EMP3: variants seen among roughly 807,000 people sequenced by gnomAD.
EMP3 encodes epithelial membrane protein 3 (MAM blood group), also known as epithelial membrane protein 3.
A neutral mutation model predicts 21.6 loss-of-function variants in EMP3; 15 were observed. That is an observed-to-expected ratio of 0.69 (90% CI 0.46 to 1.07). The LOEUF is 1.07. EMP3 is among the 50% of genes least tolerant of loss of function. The pLI, the probability that EMP3 is intolerant of heterozygous loss-of-function variation, is 0.00. For missense variants in EMP3, 183 were observed against 206.6 expected (o/e 0.89, Z 0.70); for synonymous variants, 107 against 86.1 (o/e 1.24, Z -1.34).
rs767353427 is a variant in EMP3 at position 48,326,903 on chromosome 19, T to C, written c.59T>C (p.Phe20Ser). 6.2e-7 allele frequency: 1 copy of C among 1,614,160 alleles called. No individual in the cohort carries two copies. Among genetic ancestry groups the C allele is most frequent in the East Asian group, 2.2e-5 (1 of 44,880 alleles). Residue 20 changes from phenylalanine to serine, a missense_variant, in exon 2 of 5, where the codon TTC (phenylalanine) becomes TCC (serine). By Grantham distance (155) the Phe-to-Ser change is radical. Coordinates refer to ENST00000270221, the MANE Select transcript of EMP3 (RefSeq NM_001425.3). ...CACATCCTCATTCTTATACTGCTTT[T>C]CGTGGCCACTTTGGACAAGGTAAGC... ...ALHILILILL[F>S]VATLDKSWWT... is the part of the protein sequence containing the mutation.
At position 48,330,341 on chromosome 19, in the gene EMP3, C is replaced by G; in HGVS notation, c.363C>G (p.His121Gln). 6.2e-7 allele frequency: 1 copy of G among 1,606,040 alleles called. No individual in the cohort carries two copies. The highest frequency in any genetic ancestry group is 1.1e-5 in the South Asian group (1 of 90,372). ...CTGGCGCCTTGATCTATGCCATTCACGCCGAGGAGATCCTGGAGAAGCACC... is the reference window on the plus strand; with the variant it reads ...CTGGCGCCTTGATCTATGCCATTCAGGCCGAGGAGATCCTGGAGAAGCACC... ...VFTGALIYAIHAEEILEKHPR... is the reference protein window; with the variant it reads ...VFTGALIYAIQAEEILEKHPR... The change falls in exon 5 of 5, where the codon CAC becomes CAG. Residue 121 changes from histidine to glutamine, a missense_variant. Physicochemically the swap from His to Gln is conservative, Grantham distance 24. Transcript: ENST00000270221.
chr19:48,327,850 C>A, intron 3 of EMP3: 1 of 512,268 alleles, frequency 2.0e-6, no homozygotes, highest in Non-Finnish European at 3.5e-6. Flanking sequence ...TCTGGTTGCC[C>A]AGGCTGGAGT....
intron 3 of EMP3, among the ~76,000 whole-genome samples, chr19:48,328,577 T>TA (rs1969162343): frequency 6.6e-6 from 1 of 152,050 alleles, no homozygotes; most frequent in Non-Finnish European, 1.5e-5. Context: ...CTTAAGGTTC[T>TA]AAAGGGGTGG....
chr19:48,327,832 A>C (rs966098762), intron 3 of EMP3: 17 of 524,818 alleles, frequency 3.2e-5, no homozygotes, highest in African/African-American at 5.8e-5. Flanking sequence ...TTTGAGACCG[A>C]GTTTTCCTCT....
chr19:48,329,132 G>T lies in EMP3; in HGVS notation c.182-220G>T. The T allele has an allele frequency of 1.8e-6, 1 of 569,544 alleles. No individual in the cohort carries two copies. Among genetic ancestry groups the T allele is most frequent in the Non-Finnish European group, 3.0e-6 (1 of 330,096 alleles). 35.3% of individuals were successfully genotyped at this position (569,544 alleles called of 1,614,324 possible). On this transcript the variant is annotated intron_variant, in intron 3 of 4. Transcript: ENST00000270221. This position sits in a 1 kb window ranked among gnomAD's most constrained non-coding sequence, Gnocchi z 4.5. Reference sequence around the variant, plus strand: ...GCAAGACCTGGTTTCAGAAAAAAAAGAAAAAGGAAATTGGCAAAGCAACTA... The same window carrying T: ...GCAAGACCTGGTTTCAGAAAAAAAATAAAAAGGAAATTGGCAAAGCAACTA...
At chr19:48,327,391 T>G (rs1175917086) in intron 2 of EMP3, 130 bp from the exon 3 acceptor site, 9 of 673,864 alleles carry the variant, frequency 1.3e-5, no homozygotes, top group Admixed American at 4.5e-5. Flanking sequence ...TCATATTAAA[T>G]CCTAACTCTC....
At chr19:48,327,439 C>T in intron 2 of EMP3, 82 bp from the exon 3 acceptor site, 3 of 1,033,884 alleles carry the variant, frequency 2.9e-6, no homozygotes, top group Non-Finnish European at 4.4e-6. Context: ...TGCCCTTTTC[C>T]CAGCCCTTCC....
At chr19:48,327,663 A>T (rs771518677) in intron 3 of EMP3, 40 bp downstream of exon 3, 1 of 1,561,254 alleles carries the variant, frequency 6.4e-7, no homozygotes, top group African/African-American at 1.3e-5. Context: ...TCAAAGGGGA[A>T]GGTAAACCCT....
chr19:48,327,208 T>C (rs554815461), intron 2 of EMP3, among the ~76,000 whole-genome samples: 46 of 151,990 alleles, frequency 3.0e-4, no homozygotes, highest in African/African-American at 1.1e-3. Context: ...AATTTTTTTA[T>C]TTTGGTAGAG....
Position 48,329,613 on chromosome 19 carries a change from C to A in EMP3, c.322+121C>A, listed in dbSNP as rs938349271. 5.2e-5 allele frequency: 68 copies of A among 1,308,704 alleles called. No homozygotes were observed. The highest frequency in any genetic ancestry group is 4.2e-4 in the Admixed American group (17 of 40,528). The allele number at this position is 1,308,704 out of a possible 1,614,324, so 81.1% of individuals were successfully genotyped here. ...CGTAGAAAAAAACAACTTTCAACAC[C>A]CCACGAGCCACAAGAGGTGCCTCCG... On this transcript the variant is annotated intron_variant, in intron 4 of 4. Coordinates refer to ENST00000270221, the MANE Select transcript of EMP3 (RefSeq NM_001425.3). This position sits in a 1 kb window ranked among gnomAD's most constrained non-coding sequence, Gnocchi z 4.5.
chr19:48,328,454 G>C (rs557601154), intron 3 of EMP3, among the ~76,000 whole-genome samples: 5 of 145,764 alleles, frequency 3.4e-5, no homozygotes, highest in African/African-American at 1.3e-4. Flanking sequence ...AATCTCCCAA[G>C]ATTCTGAGAA....
intron 2 of EMP3, 58 bp downstream of exon 2, chr19:48,326,980 C>T: frequency 6.8e-7 from 1 of 1,475,004 alleles, no homozygotes; most frequent in Non-Finnish European, 9.5e-7. Context: ...TGCCACGCCC[C>T]TCCTCTAAAG....
At position 48,329,227 on chromosome 19, in the gene EMP3, C is replaced by G; in HGVS notation, c.182-125C>G. On this transcript the variant is annotated intron_variant, in intron 3 of 4. Coordinates refer to ENST00000270221, the MANE Select transcript of EMP3 (RefSeq NM_001425.3). The surrounding 1 kb of genome is among the most constrained non-coding windows in gnomAD (Gnocchi z 4.5). Reference sequence around the variant, plus strand: ...CAAAATAAGTGATACATCTAAGTATCTAGGCTTGTATGGGCCTAAACGGGA... The same window carrying G: ...CAAAATAAGTGATACATCTAAGTATGTAGGCTTGTATGGGCCTAAACGGGA... The G allele has an allele frequency of 1.7e-6, 2 of 1,180,002 alleles. No individual in the cohort carries two copies. The highest frequency in any genetic ancestry group is 2.4e-6 in the Non-Finnish European group (2 of 837,176). The allele number at this position is 1,180,002 out of a possible 1,614,324, so 73.1% of individuals were successfully genotyped here.
intron 3 of EMP3, among the ~76,000 whole-genome samples, chr19:48,327,964 C>T (rs888946122): frequency 2.0e-5 from 3 of 152,024 alleles, no homozygotes; most frequent in African/African-American, 4.8e-5. Context: ...TGTGCCACCA[C>T]GCCTGGCTAA....
chr19:48,330,362 G>A lies in EMP3; in HGVS notation c.384G>A (p.Lys128=). Residue 128 remains lysine (K), a synonymous_variant, in exon 5 of 5, where the codon AAG becomes AAA. Coordinates refer to ENST00000270221, the MANE Select transcript of EMP3 (RefSeq NM_001425.3). ...TTCACGCCGAGGAGATCCTGGAGAAGCACCCGCGAGGGGGCAGCTTCGGAT... is the reference window on the plus strand; with the variant it reads ...TTCACGCCGAGGAGATCCTGGAGAAACACCCGCGAGGGGGCAGCTTCGGAT... ...YAIHAEEILE[K]HPRGGSFGYC... The A allele has an allele frequency of 6.2e-7, 1 of 1,607,800 alleles. No homozygotes were observed. The highest frequency in any genetic ancestry group is 1.1e-5 in the South Asian group (1 of 90,566).
At chr19:48,327,864 G>A (rs1969150464) in intron 3 of EMP3, 2 of 486,292 alleles carry the variant, frequency 4.1e-6, no homozygotes, top group East Asian at 3.8e-5. Flanking sequence ...CTGGAGTGCA[G>A]TGGCGCAATC....
chr19:48,327,557 C>G lies in EMP3; in HGVS notation c.115C>G (p.Leu39Val), dbSNP rs1424056872. ...TCTCCCTGGGAAAGAGTCCCTGAAT[C>G]TCTGGTACGACTGCACGTGGAACAA... ...WTLPGKESLN[L>V]WYDCTWNNDT... The change falls in exon 3 of 5, where the codon CTC becomes GTC. Residue 39 changes from leucine (L) to valine (V), a missense_variant. By Grantham distance (32) the Leu-to-Val change is conservative. Coordinates refer to ENST00000270221, the MANE Select transcript of EMP3 (RefSeq NM_001425.3). 2 of 1,613,748 alleles carry G rather than the reference C, an allele frequency of 1.2e-6. No individual in the cohort carries two copies. Among genetic ancestry groups the G allele is most frequent in the African/African-American group, 2.7e-5 (2 of 74,892 alleles).
At chr19:48,326,316 A>G (rs1969121808) in intron 1 of EMP3, among the ~76,000 whole-genome samples, 1 of 152,006 alleles carries the variant, frequency 6.6e-6, no homozygotes, top group Non-Finnish European at 1.5e-5. Context: ...GAGAGGAGCC[A>G]CATTGCTAGT....
intron 3 of EMP3, 158 bp downstream of exon 3, chr19:48,327,781 T>C: frequency 1.6e-6 from 1 of 623,996 alleles, no homozygotes; most frequent in Non-Finnish European, 2.9e-6. Flanking sequence ...ATGTCCCGCC[T>C]GTCTGGATGT....
Sources: gnomAD v4.1 joint callset for allele counts (sites outside exome capture counted in the v4.1 genomes callset) on GRCh38, gnomAD v4.1.1 for gene constraint, Gnocchi (gnomAD v3.1) non-coding constraint, MANE v1.5 for transcripts, NCBI Gene and HGNC (gene_info 2026-07-23, HGNC 2026-07-21) for gene names.